CHST11: variants seen among roughly 807,000 people sequenced by gnomAD.
CHST11 encodes the protein C4S-1.
In CHST11, 9 loss-of-function variants were observed where a neutral mutation model predicts 30.4. The ratio of observed to expected loss-of-function variants is 0.30; its 90% CI spans 0.18 to 0.52. CHST11 has a LOEUF of 0.52. Ranked by LOEUF, CHST11 falls within the 20% of genes least tolerant of loss-of-function variation. CHST11 has a pLI of 0.97. For missense variants in CHST11, 348 were observed against 460.6 expected (o/e 0.76, Z 2.24); for synonymous variants, 152 against 187.8 (o/e 0.81, Z 1.56).
chr12:104,467,587 C>T (rs1227544376), intron 1 of CHST11, among the ~76,000 whole-genome samples: 2 of 152,134 alleles, frequency 1.3e-5, no homozygotes, highest in Non-Finnish European at 2.9e-5. Context: ...TGGGTTCTGT[C>T]TCATGTAGAT....
chr12:104,478,778 C>A (rs1297389501), intron 1 of CHST11, among the ~76,000 whole-genome samples: 2 of 152,048 alleles, frequency 1.3e-5, no homozygotes, highest in Non-Finnish European at 2.9e-5. Context: ...AGGTGGTGTT[C>A]CCTGTGGCCA....
At chr12:104,472,390 TACACACAC>T (rs111810878) in intron 1 of CHST11, among the ~76,000 whole-genome samples, 5 of 149,774 alleles carry the variant, frequency 3.3e-5, no homozygotes, top group Non-Finnish European at 1.5e-5. Flanking sequence ...CAAAGTTTTA[TACACACAC>T]ACACACACAC....
At chr12:104,586,668 C>T (rs139905822) in intron 1 of CHST11, among the ~76,000 whole-genome samples, 31 of 152,326 alleles carry the variant, frequency 2.0e-4, no homozygotes, top group Middle Eastern at 3.4e-3. Flanking sequence ...GAAAGCACTT[C>T]GGCATGTTTT....
rs1438080545 is a variant in CHST11, at chr12:104,458,369, C to G, written c.118+840C>G. The stretch of plus-strand genomic sequence containing the variant: ...TGGGATCCGAGCAACGGGAATCCCC[C>G]GGGCGGCGTGGGAATGAACCCCATT... On this transcript the variant is annotated intron_variant, in intron 1 of 2. Transcript: ENST00000303694. This position sits in a 1 kb window ranked among gnomAD's most constrained non-coding sequence, Gnocchi z 5.7. Among the ~76,000 whole-genome samples the G allele has an allele frequency of 2.6e-5, 4 of 152,230 alleles. No individual in the cohort carries two copies. The highest frequency in any genetic ancestry group is 5.9e-5 in the Non-Finnish European group (4 of 68,038).
At chr12:104,487,627 G>T (rs961409756) in intron 1 of CHST11, among the ~76,000 whole-genome samples, 1 of 152,178 alleles carries the variant, frequency 6.6e-6, no homozygotes, top group Non-Finnish European at 1.5e-5. Context: ...AGGAAGTTGG[G>T]CTTGGAGAGG....
chr12:104,740,782 T>A (rs1314844899), intron 2 of CHST11, among the ~76,000 whole-genome samples: 2 of 152,188 alleles, frequency 1.3e-5, no homozygotes, highest in East Asian at 3.8e-4. Context: ...TGTGACTCTG[T>A]TCCTGGATAT....
chr12:104,556,588 C>G (rs947046931), intron 1 of CHST11, among the ~76,000 whole-genome samples: 6 of 152,194 alleles, frequency 3.9e-5, no homozygotes, highest in Admixed American at 2.6e-4. Context: ...CCCGTAGACA[C>G]GTCTCTCCAG....
rs2081809 is a variant in CHST11, at chr12:104,605,532, T to C, written c.204+3541T>C. On this transcript the variant is annotated intron_variant, in intron 2 of 2. Coordinates refer to ENST00000303694, the MANE Select transcript of CHST11 (RefSeq NM_018413.6). ...AGGCGGAGCTTGCAGTGGGCGGAGA[T>C]TGCGCCACTGCAGTCCAGCCTGGGC... Among the ~76,000 whole-genome samples the C allele has an allele frequency of 8.2e-3, 1,256 of 152,248 alleles. 18 individuals are homozygous for C. The highest frequency in any genetic ancestry group is 0.064 in the South Asian group (309 of 4,826).
At chr12:104,496,311 G>T (rs1349956382) in intron 1 of CHST11, among the ~76,000 whole-genome samples, 1 of 152,174 alleles carries the variant, frequency 6.6e-6, no homozygotes, top group East Asian at 1.9e-4. Context: ...TATAATGCCT[G>T]TCAAATAAAA....
At chr12:104,544,089 A>G (rs926687464) in intron 1 of CHST11, among the ~76,000 whole-genome samples, 1 of 149,344 alleles carries the variant, frequency 6.7e-6, no homozygotes, top group Non-Finnish European at 1.5e-5. Flanking sequence ...GAATCACTGC[A>G]CTCCAGCCTG....
Position 104,756,864 on chromosome 12 carries a change from G to A in CHST11, c.205-85G>A, listed in dbSNP as rs117060908. ...ACCCAGCTTAGATATGTGTTTGAAC[G>A]GGTGGATTTATGATCTACTTGTAGC... On this transcript the variant is annotated intron_variant, in intron 2 of 2. Coordinates refer to ENST00000303694, the MANE Select transcript of CHST11 (RefSeq NM_018413.6). 4.3e-3 allele frequency: 6,263 copies of A among 1,471,396 alleles called. 121 individuals are homozygous for A. In the East Asian group the frequency reaches 0.052, roughly 12 times the overall value. The allele number at this position is 1,471,396 out of a possible 1,614,324, so 91.1% of individuals were successfully genotyped here.
rs1370351299 is a variant in CHST11 at position 104,601,924 on chromosome 12, T to C, written c.137T>C (p.Phe46Ser). ...MLHPVMRRNP[F>S]GVDICCRKGS... ...TCCTCAGTCATGCGGAGGAATCCCT[T>C]TGGTGTGGACATCTGCTGCCGGAAG... Residue 46 changes from phenylalanine to serine, a missense_variant, in exon 2 of 3, where the codon TTT becomes TCT. Phe to Ser is a radical substitution (Grantham distance 155). Coordinates refer to ENST00000303694, the MANE Select transcript of CHST11 (RefSeq NM_018413.6). The C allele has an allele frequency of 7.4e-6, 12 of 1,613,934 alleles. No individual in the cohort carries two copies. Among genetic ancestry groups the C allele is most frequent in the Non-Finnish European group, 1.0e-5 (12 of 1,179,940 alleles).
chr12:104,730,339 C>T (rs2040246861), intron 2 of CHST11, among the ~76,000 whole-genome samples: 1 of 152,218 alleles, frequency 6.6e-6, no homozygotes, highest in Non-Finnish European at 1.5e-5. Context: ...AGGATTGTCC[C>T]TGAGATAATC....
intron 1 of CHST11, among the ~76,000 whole-genome samples, chr12:104,558,545 C>G (rs988668986): frequency 2.4e-5 from 3 of 126,746 alleles, no homozygotes; most frequent in African/African-American, 6.0e-5. Flanking sequence ...AATTCCCCCC[C>G]CCGCCCCCCC....
chr12:104,629,560 G>A (rs998967824), intron 2 of CHST11, among the ~76,000 whole-genome samples: 4 of 152,046 alleles, frequency 2.6e-5, no homozygotes, highest in African/African-American at 7.2e-5. Flanking sequence ...AGTGGCTCAT[G>A]CCTATAATCC....
At chr12:104,588,697 C>G in intron 1 of CHST11, among the ~76,000 whole-genome samples, 1 of 152,242 alleles carries the variant, frequency 6.6e-6, no homozygotes, top group Non-Finnish European at 1.5e-5. Context: ...TACATGACAG[C>G]CATGCTCCAT....
At chr12:104,675,892 A>G (rs957698817) in intron 2 of CHST11, among the ~76,000 whole-genome samples, 3 of 152,146 alleles carry the variant, frequency 2.0e-5, no homozygotes, top group African/African-American at 7.2e-5. Context: ...TGGATGAGGA[A>G]TTTGTGCTCG....
chr12:104,757,266 C>A lies in CHST11; in HGVS notation c.522C>A (p.His174Gln), dbSNP rs745785558. 6.2e-7 allele frequency: 1 copy of A among 1,614,048 alleles called. No individual in the cohort carries two copies. The highest frequency in any genetic ancestry group is 8.5e-7 in the Non-Finnish European group (1 of 1,180,054). ...AGTACAGCATCCCAGAAATCAACCA[C>A]CGCTTGAAAAGCTACATGAAGTTCC... ...LNQYSIPEIN[H>Q]RLKSYMKFLF... Residue 174 changes from histidine (H) to glutamine (Q), a missense_variant, in exon 3 of 3, where the codon CAC becomes CAA. Physicochemically the swap from His to Gln is conservative, Grantham distance 24 (BLOSUM62 0). Transcript: ENST00000303694. The surrounding 1 kb of genome is among the most constrained non-coding windows in gnomAD (Gnocchi z 6.5).
intron 2 of CHST11, among the ~76,000 whole-genome samples, chr12:104,717,386 GGT>G (rs2040139223): frequency 6.6e-6 from 1 of 152,104 alleles, no homozygotes; most frequent in African/African-American, 2.4e-5. Flanking sequence ...AGGTCTTCAT[GGT>G]ATCTCTTTCT....
Sources: gnomAD v4.1 joint callset for allele counts (sites outside exome capture counted in the v4.1 genomes callset) on GRCh38, gnomAD v4.1.1 for gene constraint, Gnocchi (gnomAD v3.1) non-coding constraint, MANE v1.5 for transcripts, NCBI Gene and HGNC (gene_info 2026-07-23, HGNC 2026-07-21) for gene names.